PTPRB: variants seen among roughly 807,000 people sequenced by gnomAD.
PTPRB encodes receptor-type tyrosine-protein phosphatase beta.
A neutral mutation model predicts 238.1 loss-of-function variants in PTPRB; 97 were observed. The observed-to-expected ratio is 0.41, with a 90% CI of 0.35 to 0.48. The LOEUF (loss-of-function observed/expected upper bound fraction) is 0.48. Among genes scored for constraint, PTPRB ranks in the 20% least tolerant of loss-of-function variants. The pLI is 0.30. For missense variants in PTPRB, 2,292 were observed against 2,681.9 expected, an observed-to-expected ratio of 0.85 and a Z score of 3.21; for synonymous variants, 970 against 995.4, an observed-to-expected ratio of 0.97 and a Z score of 0.48.
At chr12:70,610,375 C>G in intron 3 of PTPRB, among the ~76,000 whole-genome samples, 1 of 151,892 alleles carries the variant, frequency 6.6e-6, no homozygotes. Context: ...CTCCCTGTCA[C>G]TTTCCAGGCC....
At chr12:70,551,979 C>T (rs544874059) in intron 21 of PTPRB, among the ~76,000 whole-genome samples, 14 of 152,256 alleles carry the variant, frequency 9.2e-5, no homozygotes, top group African/African-American at 3.1e-4. Context: ...CCCATTCATT[C>T]AGGGGTCTTT....
intron 33 of PTPRB, among the ~76,000 whole-genome samples, chr12:70,522,863 C>CTTTTTTTTTTTTT: frequency 8.5e-6 from 1 of 118,236 alleles, no homozygotes; most frequent in East Asian, 2.4e-4. Flanking sequence ...TTTGTTTTTT[C>CTTTTTTTTTTTTT]TTTTTTTTTT....
intron 17 of PTPRB, among the ~76,000 whole-genome samples, chr12:70,559,840 C>CTTTTT (rs10708359): frequency 8.5e-6 from 1 of 118,204 alleles, no homozygotes; most frequent in Non-Finnish European, 1.7e-5. Flanking sequence ...TTTTTTTTCA[C>CTTTTT]TTTTTTTTTT....
At chr12:70,554,837 T>A (rs556552695) in intron 20 of PTPRB, among the ~76,000 whole-genome samples, 1 of 152,308 alleles carries the variant, frequency 6.6e-6, no homozygotes, top group African/African-American at 2.4e-5. Flanking sequence ...GAATAAGGCA[T>A]TACATGCAAT....
chr12:70,634,166 C>T (rs1317506708), intron 2 of PTPRB, among the ~76,000 whole-genome samples: 3 of 152,100 alleles, frequency 2.0e-5, no homozygotes, highest in Admixed American at 2.0e-4. Flanking sequence ...CAAATGGCAT[C>T]TAGTTAAATG....
At chr12:70,567,981 T>G (rs983413410) in intron 14 of PTPRB, among the ~76,000 whole-genome samples, 7 of 152,216 alleles carry the variant, frequency 4.6e-5, no homozygotes, top group Middle Eastern at 3.4e-3. Context: ...TGAGCCACCG[T>G]GCCCGGCCTT....
At chr12:70,540,148 A>C (rs1874832799) in intron 23 of PTPRB, 126 bp from the exon 24 acceptor site, 1 of 724,962 alleles carries the variant, frequency 1.4e-6, no homozygotes, top group Non-Finnish European at 2.3e-6. Context: ...ACAGATTTGC[A>C]CTCAGCCAAC....
intron 32 of PTPRB, among the ~76,000 whole-genome samples, chr12:70,526,465 C>A (rs1872455793): frequency 6.6e-6 from 1 of 152,214 alleles, no homozygotes; most frequent in Admixed American, 6.5e-5. Context: ...CTTGGCCTCC[C>A]ACACTGCTAG....
Position 70,611,938 on chromosome 12 carries a change from C to A in PTPRB, c.709-2599G>T, listed in dbSNP as rs561643364. Among the ~76,000 whole-genome samples the A allele has an allele frequency of 2.2e-3, 337 of 152,318 alleles. 3 individuals are homozygous for A. The highest frequency in any genetic ancestry group is 6.9e-3 in the African/African-American group (286 of 41,584). On this transcript the variant is annotated intron_variant, in intron 3 of 33. Transcript: ENST00000334414. Reference sequence around the variant, plus strand: ...TCCTGCTCTCCACAGATACTGCAAGCCTTCTTACAGGCTCTGGCTGCCCTC... The same window carrying A: ...TCCTGCTCTCCACAGATACTGCAAGACTTCTTACAGGCTCTGGCTGCCCTC...
At position 70,590,022 on chromosome 12, in the gene PTPRB, C is replaced by T; in HGVS notation, c.1992G>A (p.Val664=). ...AATTTCCACTCTCAACAATGACTTC[C>T]ACCTCATACTGTCTTCCCGGTACGA... ...TGLVPGRQYE[V]EVIVESGNLK... is the part of the protein sequence containing the mutation. Residue 664 remains valine, a synonymous_variant, in exon 8 of 34, where the codon GTG becomes GTA. Coordinates refer to ENST00000334414, the MANE Select transcript of PTPRB (RefSeq NM_001109754.4). 3 of 1,613,986 alleles carry T rather than the reference C, an allele frequency of 1.9e-6. No homozygotes were observed. Among genetic ancestry groups the T allele is most frequent in the Non-Finnish European group, 8.5e-7 (1 of 1,179,874 alleles).
Position 70,591,897 on chromosome 12 carries a change from T to C in PTPRB, c.1780+385A>G, listed in dbSNP as rs146513366. The C allele has an allele frequency of 5.3e-3, 1,063 of 200,346 alleles. 8 individuals carry two copies. Among genetic ancestry groups the C allele is most frequent in the African/African-American group, 0.023 (991 of 42,530 alleles). 12.4% of individuals were successfully genotyped at this position (200,346 alleles called of 1,614,324 possible). A position where few individuals can be genotyped will look rare whatever the true frequency, so the allele number is the denominator to read the frequency against. ...TTTAACAATAGTACAGTAATTTACATATATAAGGCACTGGATAGATAAGTG... is the reference window on the plus strand; with the variant it reads ...TTTAACAATAGTACAGTAATTTACACATATAAGGCACTGGATAGATAAGTG... On this transcript the variant is annotated intron_variant, in intron 7 of 33. Transcript: ENST00000334414.
chr12:70,602,087 A>G (rs1361116741), intron 4 of PTPRB, among the ~76,000 whole-genome samples: 37 of 152,072 alleles, frequency 2.4e-4, no homozygotes, highest in Non-Finnish European at 1.5e-5. Context: ...GAGCCACCGC[A>G]TCTAGCTGAG....
chr12:70,567,033 A>G (rs2136356064), intron 14 of PTPRB, among the ~76,000 whole-genome samples: 1 of 152,306 alleles, frequency 6.6e-6, no homozygotes, highest in Admixed American at 6.5e-5. Context: ...GAGCAAGTTC[A>G]TGTTCAGTGA....
chr12:70,541,232 C>A, intron 22 of PTPRB: 1 of 272,602 alleles, frequency 3.7e-6, no homozygotes, highest in Non-Finnish European at 6.8e-6. Flanking sequence ...TTGGACTTTG[C>A]ACTTGTATAT....
intron 9 of PTPRB, among the ~76,000 whole-genome samples, chr12:70,585,455 A>T (rs1301185606): frequency 6.6e-6 from 1 of 151,938 alleles, no homozygotes; most frequent in Non-Finnish European, 1.5e-5. Context: ...GTGTCCAAGG[A>T]GGGAGGTGAC....
chr12:70,560,065 G>C lies in PTPRB; in HGVS notation c.4433-441C>G, dbSNP rs1316558672. Reference sequence around the variant, plus strand: ...TTGACCAGGCTGGTCTCGAACTCCAGACCTCAAGTGATCCACCCACCTCGG... The same window carrying C: ...TTGACCAGGCTGGTCTCGAACTCCACACCTCAAGTGATCCACCCACCTCGG... On this transcript the variant is annotated intron_variant, in intron 17 of 33. Coordinates refer to ENST00000334414, the MANE Select transcript of PTPRB (RefSeq NM_001109754.4). The surrounding 1 kb of genome is among the most constrained non-coding windows in gnomAD (Gnocchi z 4.2). Among the ~76,000 whole-genome samples, 3 of 152,066 alleles carry C rather than the reference G, an allele frequency of 2.0e-5. No individual in the cohort carries two copies. The highest frequency in any genetic ancestry group is 4.4e-5 in the Non-Finnish European group (3 of 68,018).
intron 4 of PTPRB, among the ~76,000 whole-genome samples, chr12:70,598,440 G>T (rs1883212877): frequency 6.6e-6 from 1 of 152,162 alleles, no homozygotes; most frequent in South Asian, 2.1e-4. Context: ...CATGGGCTTT[G>T]GAGTCAGAAT....
In PTPRB at chr12:70,626,296, C is replaced by CT. The variant is rs1885177325; in HGVS notation, c.452-3651_452-3650insA. Among the ~76,000 whole-genome samples the CT allele has an allele frequency of 5.3e-3, 487 of 91,932 alleles. 7 individuals carry two copies. The highest frequency in any genetic ancestry group is 9.9e-3 in the Admixed American group (76 of 7,690). The allele number at this position is 91,932 out of a possible 152,430, so 60.3% of individuals were successfully genotyped here. ...TAGAAAAGGATGATGTCTATCCATC[C>CT]ATCTATCTATCTATCTATCTATCTA... On this transcript the variant is annotated intron_variant, in intron 2 of 33. Coordinates refer to ENST00000334414, the MANE Select transcript of PTPRB (RefSeq NM_001109754.4).
At position 70,594,582 on chromosome 12, in the gene PTPRB, G is replaced by C. The variant is rs765748285; in HGVS notation, c.1401C>G (p.Asp467Glu). 18 of 1,613,986 alleles carry C rather than the reference G, an allele frequency of 1.1e-5. No homozygotes were observed. The highest frequency in any genetic ancestry group is 1.5e-5 in the Non-Finnish European group (18 of 1,179,882). Residue 467 changes from aspartate to glutamate, a missense_variant, in exon 6 of 34, where the codon GAC becomes GAG. Coordinates refer to ENST00000334414, the MANE Select transcript of PTPRB (RefSeq NM_001109754.4). ...KGILVHGGVV[D>E]KHATSYAFHG... ...GAAAAGCATAGGAAGTAGCATGTTT[G>C]TCCACAACACCGCCATGAACTAGGA...
Sources: allele counts gnomAD v4.1 joint callset (sites outside exome capture counted in the v4.1 genomes callset), GRCh38; gene constraint gnomAD v4.1.1; non-coding constraint Gnocchi (gnomAD v3.1); transcripts MANE v1.5; gene names NCBI Gene and HGNC (gene_info 2026-07-23, HGNC 2026-07-21).